PPP2R1B: variants seen among roughly 807,000 people sequenced by gnomAD.
PPP2R1B encodes protein phosphatase 2 scaffold subunit Abeta.
In PPP2R1B, 58 loss-of-function variants were observed where a neutral mutation model predicts 72.7. The observed-to-expected ratio is 0.80, with a 90% CI of 0.65 to 0.99. PPP2R1B has a LOEUF of 0.99. PPP2R1B is among the 50% of genes least tolerant of loss of function. The probability of loss-of-function intolerance (pLI) is 0.00; values close to 1 mark genes in which losing one functional copy is unlikely to be tolerated. For synonymous variants in PPP2R1B, 256 were observed against 264.6 expected (o/e 0.97, Z 0.32); for missense variants, 695 against 733.6 (o/e 0.95, Z 0.61).
rs986992946 is a variant in PPP2R1B, at chr11:111,738,518, A to G, written c.*3078T>C. ...GGCTTGCTTCCCTGGAAGTCTACGC[A>G]AGCAACCTGAATGCCTGGACAAGCC... is the stretch of plus-strand genomic sequence containing the variant. On this transcript the variant is annotated 3_prime_UTR_variant, in exon 15 of 15. Transcript: ENST00000527614. 1.0e-6 allele frequency: 1 copy of G among 985,350 alleles called. No individual in the cohort carries two copies. Among genetic ancestry groups the G allele is most frequent in the African/African-American group, 1.7e-5 (1 of 57,256 alleles). The allele number at this position is 985,350 out of a possible 1,614,324, so 61.0% of individuals were successfully genotyped here. A position where few individuals can be genotyped will look rare whatever the true frequency, so the allele number is the denominator to read the frequency against.
At chr11:111,737,555 G>C (rs1390148290), downstream of PPP2R1B, 1 of 1,614,092 alleles carries the variant, frequency 6.2e-7, no homozygotes, top group Admixed American at 1.7e-5. Context: ...AGCTTCCTCA[G>C]CCTTTGTGCC....
chr11:111,740,123 C>A lies in PPP2R1B; in HGVS notation c.*1473G>T. On this transcript the variant is annotated 3_prime_UTR_variant, in exon 15 of 15. Transcript: ENST00000527614. ...ATTCAAAAACCAAAAGGGTAACAAGCAAACCTCATAGCAAGATGCACTGAG... is the reference window on the plus strand; with the variant it reads ...ATTCAAAAACCAAAAGGGTAACAAGAAAACCTCATAGCAAGATGCACTGAG... The A allele has an allele frequency of 1.0e-6, 1 of 985,352 alleles. No homozygotes were observed. The highest frequency in any genetic ancestry group is 1.2e-6 in the Non-Finnish European group (1 of 829,874). 61.0% of individuals were successfully genotyped at this position (985,352 alleles called of 1,614,324 possible).
Position 111,752,268 on chromosome 11 carries a change from C to T in PPP2R1B, c.1229G>A (p.Arg410His), listed in dbSNP as rs530683430. 34 of 1,614,020 alleles carry T rather than the reference C, an allele frequency of 2.1e-5. 1 individual carries two copies. The highest frequency in any genetic ancestry group is 1.6e-4 in the East Asian group (7 of 44,870). ...AGGAAGGAGAGACTGAGAGAGCTGA[C>T]GGATTCCAATCACTTCATTTACACA... ...LDCVNEVIGIRQLSQSLLPAI... is the reference protein window; with the variant it reads ...LDCVNEVIGIHQLSQSLLPAI... The change falls in exon 10 of 15, where the codon CGT (arginine) becomes CAT (histidine). Residue 410 changes from arginine to histidine, a missense_variant. Coordinates refer to ENST00000527614, the MANE Select transcript of PPP2R1B (RefSeq NM_002716.5).
the PPP2R1B span, among the ~76,000 whole-genome samples, chr11:111,695,994 T>C: frequency 1.3e-5 from 2 of 152,216 alleles, no homozygotes; most frequent in Non-Finnish European, 2.9e-5. Context: ...ATAGCAGCTC[T>C]AGGGCTGTGT....
the PPP2R1B span, among the ~76,000 whole-genome samples, chr11:111,697,232 A>G: frequency 6.6e-6 from 1 of 152,226 alleles, no homozygotes. Flanking sequence ...TCATAGAACT[A>G]AGAAGAAATT....
downstream of PPP2R1B, among the ~76,000 whole-genome samples, chr11:111,736,781 G>T (rs2136025597): frequency 6.6e-6 from 1 of 152,360 alleles, no homozygotes; most frequent in South Asian, 2.1e-4. Flanking sequence ...GAACCTACTA[G>T]AATGGGTGTG....
At chr11:111,756,093 C>T (rs1945105730) in intron 5 of PPP2R1B, among the ~76,000 whole-genome samples, 2 of 151,838 alleles carry the variant, frequency 1.3e-5, no homozygotes, top group African/African-American at 4.8e-5. Flanking sequence ...GCCTGTAGTC[C>T]CAGCTACTCG....
chr11:111,700,844 T>C, the PPP2R1B span: 2 of 1,609,274 alleles, frequency 1.2e-6, no homozygotes. Context: ...CAGTATAGTT[T>C]GAGAGCATAG....
At chr11:111,716,646 C>T in the PPP2R1B span, among the ~76,000 whole-genome samples, 1 of 152,018 alleles carries the variant, frequency 6.6e-6, no homozygotes, top group Admixed American at 6.6e-5. Flanking sequence ...TCTAGCTGTC[C>T]CAGGATAAAA....
downstream of PPP2R1B, chr11:111,723,877 G>C: frequency 6.2e-7 from 1 of 1,602,190 alleles, no homozygotes; most frequent in Non-Finnish European, 8.5e-7. Context: ...CCCCCTTACA[G>C]TTCTCCTATC....
At position 111,739,925 on chromosome 11, in the gene PPP2R1B, C is replaced by G. The variant is rs1276897486; in HGVS notation, c.*1671G>C. On this transcript the variant is annotated 3_prime_UTR_variant, in exon 15 of 15. Transcript: ENST00000527614. The stretch of plus-strand genomic sequence containing the variant: ...GTAATTTGGCAGTTTAAAATGCAGA[C>G]AGATAACCTCTGATTTACAATTTCT... 1.0e-6 allele frequency: 1 copy of G among 980,196 alleles called. No individual in the cohort carries two copies. The highest frequency in any genetic ancestry group is 1.8e-5 in the African/African-American group (1 of 57,108). The allele number at this position is 980,196 out of a possible 1,614,324, so 60.7% of individuals were successfully genotyped here.
chr11:111,719,961 C>G, the PPP2R1B span: 2 of 1,614,142 alleles, frequency 1.2e-6, no homozygotes, highest in Non-Finnish European at 1.7e-6. Flanking sequence ...ACGGCACACT[C>G]TGTCAGAAGT....
chr11:111,716,393 A>C, the PPP2R1B span, among the ~76,000 whole-genome samples: 1 of 150,246 alleles, frequency 6.7e-6, no homozygotes, highest in South Asian at 2.1e-4. Context: ...CCTGGCCAAC[A>C]TGGCAAAACC....
At chr11:111,720,581 T>C in the PPP2R1B span, 1 of 1,614,150 alleles carries the variant, frequency 6.2e-7, no homozygotes, top group South Asian at 1.1e-5. Context: ...AAGACAACCC[T>C]TCCCTTAAGG....
chr11:111,697,915 C>T, the PPP2R1B span, among the ~76,000 whole-genome samples: 1 of 152,070 alleles, frequency 6.6e-6, no homozygotes, highest in Non-Finnish European at 1.5e-5. Context: ...AAGGCTGAGG[C>T]AAAAAGATCA....
the PPP2R1B span, among the ~76,000 whole-genome samples, chr11:111,721,355 C>G: frequency 6.6e-6 from 1 of 152,132 alleles, no homozygotes; most frequent in Non-Finnish European, 1.5e-5. Context: ...CTTGAACTCC[C>G]CTTCTCCTGC....
At chr11:111,707,296 G>A in the PPP2R1B span, among the ~76,000 whole-genome samples, 1 of 152,168 alleles carries the variant, frequency 6.6e-6, no homozygotes, top group African/African-American at 2.4e-5. Context: ...TCCTGAGCAC[G>A]TGCATGTGTT....
At chr11:111,762,662 C>T (rs1945370261) in intron 3 of PPP2R1B, among the ~76,000 whole-genome samples, 2 of 151,628 alleles carry the variant, frequency 1.3e-5, no homozygotes, top group Non-Finnish European at 2.9e-5. Flanking sequence ...CCTTCTGCCT[C>T]AGCGTCCCGA....
downstream of PPP2R1B, chr11:111,722,724 G>A (rs34913489): frequency 3.1e-4 from 497 of 1,614,104 alleles, no homozygotes; most frequent in African/African-American, 4.6e-3. This position sits in a 1 kb window ranked among gnomAD's most constrained non-coding sequence, Gnocchi z 4.4. Flanking sequence ...AAGAACCACC[G>A]CGGAGCCTTG....
Sources: allele counts gnomAD v4.1 joint callset (sites outside exome capture counted in the v4.1 genomes callset), GRCh38; gene constraint gnomAD v4.1.1; non-coding constraint Gnocchi (gnomAD v3.1); transcripts MANE v1.5; gene names NCBI Gene and HGNC (gene_info 2026-07-23, HGNC 2026-07-21).